The following DOCK9 variants were observed in gnomAD, a reference collection of about 807,000 sequenced individuals.
DOCK9 encodes dedicator of cytokinesis protein 9.
In DOCK9, 89 loss-of-function variants were observed where a neutral mutation model predicts 263.3. The observed-to-expected ratio is 0.34, with a 90% CI of 0.28 to 0.40. The LOEUF (loss-of-function observed/expected upper bound fraction) is 0.40. DOCK9 is among the 10% of genes least tolerant of loss of function. The pLI is 1.00. For missense variants in DOCK9, 2,140 were observed against 2,603.4 expected (o/e 0.82, Z 3.87); for synonymous variants, 976 against 973.1 (o/e 1.00, Z -0.06).
At chr13:98,912,783 A>G (rs1686575644) in intron 9 of DOCK9, among the ~76,000 whole-genome samples, 1 of 152,162 alleles carries the variant, frequency 6.6e-6, no homozygotes, top group Non-Finnish European at 1.5e-5. Flanking sequence ...ATCTTCTCCT[A>G]GGTATCCATT....
At chr13:99,017,412 C>T (rs1468556857) in intron 1 of DOCK9, among the ~76,000 whole-genome samples, 1 of 152,126 alleles carries the variant, frequency 6.6e-6, no homozygotes, top group African/African-American at 2.4e-5. Context: ...ATAGTTCATT[C>T]AACAGAAATA....
rs2048439650 is a variant in DOCK9, at chr13:98,902,468, T to C, written c.1200A>G (p.Leu400=). Residue 400 remains leucine, a synonymous_variant, in exon 12 of 53, where the codon CTA becomes CTG. Transcript: ENST00000682017. ...GGTTGTATTTTATGTCAAACAGGGATAGAGTAACAAAGAAAGGTTCAACCT... is the reference window on the plus strand; with the variant it reads ...GGTTGTATTTTATGTCAAACAGGGACAGAGTAACAAAGAAAGGTTCAACCT... The part of the protein sequence containing the change: ...TTNVEPFFVT[L]SLFDIKYNRK... 3.1e-6 allele frequency: 5 copies of C among 1,613,886 alleles called. No individual in the cohort carries two copies. In the Admixed American group the frequency reaches 5.0e-5, roughly 16 times the overall value.
In DOCK9 at chr13:98,968,755, C is replaced by T. The variant is rs117024756; in HGVS notation, c.126+9029G>A. ...TGGCAAAACAAAGGACAGTCCACTT[C>T]CTGAAATTTTTACTTGGGCAGACAA... On this transcript the variant is annotated intron_variant, in intron 1 of 52. Coordinates refer to ENST00000682017, the MANE Select transcript of DOCK9 (RefSeq NM_001366683.2). Among the ~76,000 whole-genome samples, 588 of 152,288 alleles carry T rather than the reference C, an allele frequency of 3.9e-3. 19 individuals are homozygous for T. The highest frequency in any genetic ancestry group is 0.021 in the East Asian group (110 of 5,190).
At chr13:98,911,178 C>CA (rs34111815) in intron 9 of DOCK9, among the ~76,000 whole-genome samples, 1 of 152,158 alleles carries the variant, frequency 6.6e-6, no homozygotes, top group African/African-American at 2.4e-5. Flanking sequence ...TTTTCCCCTT[C>CA]AAAAAATTAC....
At chr13:98,956,463 C>A (rs1381507218) in intron 1 of DOCK9, among the ~76,000 whole-genome samples, 4 of 152,056 alleles carry the variant, frequency 2.6e-5, no homozygotes, top group African/African-American at 4.8e-5. Context: ...GTAACTAAGT[C>A]CAGGGCAGGC....
chr13:98,889,242 A>G (rs1362715304), intron 15 of DOCK9, among the ~76,000 whole-genome samples: 12 of 152,146 alleles, frequency 7.9e-5, no homozygotes, highest in Admixed American at 7.9e-4. Context: ...GACTTGTGGG[A>G]AAGGGTGGGA....
rs979082929 is a variant in DOCK9, at chr13:98,914,365, C to T, written c.923G>A (p.Gly308Asp). ...DDEQSKLEGS[G>D]SGLDSYLPEL... ...CGGCAGGTAGCTATCTAAACCGGAACCAGAACCTTCCAATTTGCTTTGTTC... is the reference window on the plus strand; with the variant it reads ...CGGCAGGTAGCTATCTAAACCGGAATCAGAACCTTCCAATTTGCTTTGTTC... Residue 308 changes from glycine (G) to aspartate (D), a missense_variant, in exon 9 of 53, where the codon GGT becomes GAT. Around this residue, in one of 2 missense-constraint regions of DOCK9, gnomAD observed 1,521 missense variants for 1,741.7 expected, o/e 0.87. Coordinates refer to ENST00000682017, the MANE Select transcript of DOCK9 (RefSeq NM_001366683.2). The T allele has an allele frequency of 1.2e-6, 2 of 1,609,570 alleles. No homozygotes were observed. The highest frequency in any genetic ancestry group is 3.4e-5 in the Admixed American group (2 of 59,402).
intron 33 of DOCK9, chr13:98,859,752 T>C (rs1219017448): frequency 7.6e-6 from 1 of 131,550 alleles, no homozygotes; most frequent in African/African-American, 2.8e-5. Flanking sequence ...TGTGTGTGTG[T>C]GTATATATAT....
rs762038543 is a variant in DOCK9 at position 98,845,901 on chromosome 13, C to T, written c.4198+23G>A. On this transcript the variant is annotated intron_variant, in intron 38 of 52. Transcript: ENST00000682017. ...TGGCACATGAGATGGCTGGCTGTTA[C>T]GATGGCATGTCATGGGACTTACTGT... 34 of 1,611,218 alleles carry T rather than the reference C, an allele frequency of 2.1e-5. No homozygotes were observed. In the East Asian group the frequency reaches 4.2e-4, roughly 20 times the overall value.
chr13:98,808,674 T>G (rs2090986485), intron 47 of DOCK9: 1 of 1,585,656 alleles, frequency 6.3e-7, no homozygotes, highest in African/African-American at 1.3e-5. Context: ...AAACTGGTAT[T>G]GCTATAAAGT....
chr13:99,085,915 T>A (rs561474998), intron 1 of DOCK9, among the ~76,000 whole-genome samples: 1 of 151,458 alleles, frequency 6.6e-6, no homozygotes, highest in African/African-American at 2.4e-5. Flanking sequence ...AGCAGGTAAA[T>A]TGGGAGAGAG....
chr13:98,820,703 T>A, intron 45 of DOCK9: 1 of 422,378 alleles, frequency 2.4e-6, no homozygotes, highest in South Asian at 1.7e-5. Flanking sequence ...ATTATTAGCT[T>A]TAAAGAAAAA....
intron 2 of DOCK9, among the ~76,000 whole-genome samples, chr13:98,942,233 T>G (rs140647897): frequency 3.7e-5 from 3 of 81,436 alleles, no homozygotes; most frequent in African/African-American, 1.3e-4. Context: ...TTTTTTTTTG[T>G]TGTTTTTTTT....
intron 1 of DOCK9, chr13:99,015,662 CTCT>C: frequency 6.6e-7 from 1 of 1,522,900 alleles, no homozygotes; most frequent in African/African-American, 1.4e-5. Context: ...TTTCCACATC[CTCT>C]TCCTTGGCTC....
chr13:99,025,816 G>C (rs1051821963), intron 1 of DOCK9, among the ~76,000 whole-genome samples: 15 of 152,190 alleles, frequency 9.9e-5, no homozygotes, highest in Non-Finnish European at 1.3e-4. Context: ...ATTGATAAAT[G>C]GATAAACAAC....
At chr13:99,000,825 A>G (rs567062853) in intron 1 of DOCK9, among the ~76,000 whole-genome samples, 2 of 152,298 alleles carry the variant, frequency 1.3e-5, no homozygotes, top group African/African-American at 4.8e-5. Flanking sequence ...ATTTTTTACA[A>G]TCAGATAAGA....
chr13:99,004,256 T>C (rs1378048888), intron 1 of DOCK9, among the ~76,000 whole-genome samples: 1 of 152,126 alleles, frequency 6.6e-6, no homozygotes, highest in East Asian at 1.9e-4. Context: ...TACCACCCTG[T>C]AATTGGCAAA....
intron 1 of DOCK9, among the ~76,000 whole-genome samples, chr13:99,011,380 G>T (rs542354903): frequency 2.8e-4 from 42 of 152,260 alleles, no homozygotes; most frequent in Admixed American, 4.6e-4. Flanking sequence ...AAAAAGCCTA[G>T]AACCTGCTAG....
chr13:98,992,228 G>A (rs1160296218), intron 1 of DOCK9, among the ~76,000 whole-genome samples: 1 of 152,118 alleles, frequency 6.6e-6, no homozygotes, highest in Non-Finnish European at 1.5e-5. Flanking sequence ...GTGTCTAAAA[G>A]GTGGTGGTTC....
Sources: gnomAD v4.1 joint callset for allele counts (sites outside exome capture counted in the v4.1 genomes callset) on GRCh38, gnomAD v4.1.1 for gene constraint, gnomAD v4.1.1 regional missense constraint, MANE v1.5 for transcripts, NCBI Gene and HGNC (gene_info 2026-07-23, HGNC 2026-07-21) for gene names.